LRRK1: variants seen among roughly 807,000 people sequenced by gnomAD.
The protein encoded by LRRK1 is leucine rich repeat kinase 1, also known as leucine-rich repeat serine/threonine-protein kinase 1.
A neutral mutation model predicts 209.1 loss-of-function variants in LRRK1; 113 were observed. That is an observed-to-expected ratio of 0.54 (90% CI 0.46 to 0.63). LRRK1 has a LOEUF of 0.63. LRRK1 is among the 30% of genes least tolerant of loss of function. The probability of loss-of-function intolerance (pLI) is 0.00; values close to 1 mark genes in which losing one functional copy is unlikely to be tolerated. For missense variants in LRRK1, 2,284 were observed against 2,632.2 expected (o/e 0.87, Z 2.89); for synonymous variants, 1,144 against 1,099.7 (o/e 1.04, Z -0.80).
Position 101,026,056 on chromosome 15 carries a change from G to C in LRRK1, c.2324G>C (p.Arg775Pro), listed in dbSNP as rs368099995. The change falls in exon 17 of 34, where the codon CGT becomes CCT. Residue 775 changes from arginine to proline, a missense_variant. By Grantham distance (103) the Arg-to-Pro change is moderately radical. Transcript: ENST00000388948. ...CGTGTGGAAAGGATTGCAACGCTGCGTGCCTATGTGCTGGCACTCTGCCGC... is the reference window on the plus strand; with the variant it reads ...CGTGTGGAAAGGATTGCAACGCTGCCTGCCTATGTGCTGGCACTCTGCCGC... ...KFRVERIATLRAYVLALCRSP... is the reference protein window; with the variant it reads ...KFRVERIATLPAYVLALCRSP... The C allele has an allele frequency of 1.2e-6, 2 of 1,614,122 alleles. No homozygotes were observed. The highest frequency in any genetic ancestry group is 8.5e-7 in the Non-Finnish European group (1 of 1,180,048).
chr15:101,048,143 A>C (rs896795845), intron 21 of LRRK1, among the ~76,000 whole-genome samples: 3 of 151,324 alleles, frequency 2.0e-5, no homozygotes, highest in Non-Finnish European at 4.4e-5. Flanking sequence ...AATCTGAATG[A>C]TCTCTCTGCT....
At position 101,043,336 on chromosome 15, in the gene LRRK1, C is replaced by T. The variant is rs535679301; in HGVS notation, c.2964-2645C>T. ...GGGGCCTCAAGTCTTTCTTGCTGCT[C>T]CAGCTCTCTGGGTTCCTTACAAAAT... On this transcript the variant is annotated intron_variant, in intron 20 of 33. Coordinates refer to ENST00000388948, the MANE Select transcript of LRRK1 (RefSeq NM_024652.6). Among the ~76,000 whole-genome samples the T allele has an allele frequency of 2.6e-5, 4 of 152,306 alleles. No homozygotes were observed. The East Asian group carries it at 7.7e-4, about 29-fold the overall frequency.
At chr15:101,025,879 C>T (rs1353599386) in intron 16 of LRRK1, 86 bp from the exon 17 acceptor site, 16 of 1,451,432 alleles carry the variant, frequency 1.1e-5, no homozygotes, top group Non-Finnish European at 1.4e-5. Context: ...CATCCAGGGT[C>T]AGCGCACCTG....
chr15:100,932,548 C>T (rs142638206), intron 2 of LRRK1, among the ~76,000 whole-genome samples: 14 of 152,166 alleles, frequency 9.2e-5, no homozygotes, highest in Middle Eastern at 6.8e-3. Flanking sequence ...AGCAGAATGG[C>T]GGGATCACAG....
chr15:101,014,214 G>GT, intron 10 of LRRK1, 102 bp from the exon 11 acceptor site: 2 of 803,868 alleles, frequency 2.5e-6, no homozygotes, highest in African/African-American at 1.7e-5. Context: ...GGTTGGAATC[G>GT]TTTGACTGCG....
At chr15:101,000,909 C>G (rs1314228040) in intron 6 of LRRK1, among the ~76,000 whole-genome samples, 1 of 152,234 alleles carries the variant, frequency 6.6e-6, no homozygotes, top group Non-Finnish European at 1.5e-5. Flanking sequence ...GCCTTCACTT[C>G]ATTGCCCTTG....
At chr15:100,934,467 C>T (rs1357482017) in intron 2 of LRRK1, among the ~76,000 whole-genome samples, 4 of 152,130 alleles carry the variant, frequency 2.6e-5, no homozygotes, top group African/African-American at 9.6e-5. Context: ...CCTTACAGGG[C>T]TTCCAGTTGT....
At chr15:100,968,110 A>C (rs2141645015) in intron 2 of LRRK1, among the ~76,000 whole-genome samples, 1 of 152,324 alleles carries the variant, frequency 6.6e-6, no homozygotes, top group African/African-American at 2.4e-5. Context: ...AGAACAGCAT[A>C]TAAATGGAAT....
At chr15:100,977,610 C>T (rs1236252718) in intron 3 of LRRK1, among the ~76,000 whole-genome samples, 1 of 152,094 alleles carries the variant, frequency 6.6e-6, no homozygotes, top group Non-Finnish European at 1.5e-5. Context: ...ACCTGAAGTC[C>T]CAACGCTGCC....
rs571380165 is a variant in LRRK1 at position 100,976,474 on chromosome 15, T to G, written c.261+2507T>G. 6.6e-5 allele frequency among the ~76,000 whole-genome samples: 10 copies of G among 152,306 alleles called. No individual in the cohort carries two copies. In the East Asian group the frequency reaches 1.9e-3, roughly 29 times the overall value. On this transcript the variant is annotated intron_variant, in intron 3 of 33. Transcript: ENST00000388948. ...TATAGAAAGGCAAATAAAACAAAAATGAAGCAGCCTTTTTAAGCTAATCAG... is the reference window on the plus strand; with the variant it reads ...TATAGAAAGGCAAATAAAACAAAAAGGAAGCAGCCTTTTTAAGCTAATCAG...
intron 2 of LRRK1, among the ~76,000 whole-genome samples, chr15:100,957,118 A>G (rs1223991039): frequency 6.6e-6 from 1 of 152,020 alleles, no homozygotes; most frequent in African/African-American, 2.4e-5. Context: ...TCTTCTTGTT[A>G]TTGACTTCTA....
Position 100,962,824 on chromosome 15 carries a change from T to TA in LRRK1, c.98-10980_98-10979insA, listed in dbSNP as rs1555461505. On this transcript the variant is annotated intron_variant, in intron 2 of 33. Transcript: ENST00000388948. The stretch of plus-strand genomic sequence containing the variant: ...ATATATATATATATATATATATATA[T>TA]TTTTTTTTTTTTTTTTGAGATGGAG... Among the ~76,000 whole-genome samples the TA allele has an allele frequency of 1.7e-3, 14 of 8,434 alleles. No individual in the cohort carries two copies. In the East Asian group the frequency reaches 0.02, roughly 12 times the overall value. The allele number at this position is 8,434 out of a possible 152,430, so 5.5% of individuals were successfully genotyped here.
Position 101,054,960 on chromosome 15 carries a change from C to T in LRRK1, c.4069C>T (p.Pro1357Ser). Reference protein sequence around the residue: ...SENARDSSFIPLGHMLTQKIA... With the variant: ...SENARDSSFISLGHMLTQKIA... ...TTCTTTGCAAGATTCTTCCTTTATA[C>T]CCCTGGGACACATGCTCACCCAAAA... Residue 1357 changes from proline (P) to serine (S), a missense_variant, in exon 27 of 34, where the codon CCC (proline) becomes TCC (serine). Pro to Ser is a moderately conservative substitution (Grantham distance 74). Transcript: ENST00000388948. 1 of 1,608,794 alleles carries T rather than the reference C, an allele frequency of 6.2e-7. No homozygotes were observed. The highest frequency in any genetic ancestry group is 8.5e-7 in the Non-Finnish European group (1 of 1,178,024).
At chr15:100,974,228 A>C (rs763268745) in intron 3 of LRRK1, 7 of 360,286 alleles carry the variant, frequency 1.9e-5, no homozygotes, top group Admixed American at 1.4e-4. Flanking sequence ...AATGTAAAGA[A>C]CAAAATGCCA....
chr15:100,954,549 C>G (rs1464697201), intron 2 of LRRK1, among the ~76,000 whole-genome samples: 1 of 152,146 alleles, frequency 6.6e-6, no homozygotes, highest in East Asian at 1.9e-4. Context: ...CTTTCAGTGT[C>G]ATATAGGAAA....
chr15:101,060,984 T>G (rs1275858778), intron 29 of LRRK1, among the ~76,000 whole-genome samples, 187 bp from the exon 30 acceptor site: 1 of 152,230 alleles, frequency 6.6e-6, no homozygotes, highest in East Asian at 1.9e-4. Flanking sequence ...GCGAATGCCC[T>G]TCCTGCGGGC....
chr15:101,057,822 G>T (rs1194824016), intron 28 of LRRK1, among the ~76,000 whole-genome samples, 168 bp from the exon 29 acceptor site: 1 of 152,200 alleles, frequency 6.6e-6, no homozygotes, highest in Non-Finnish European at 1.5e-5. Context: ...TACCTGGATG[G>T]GTTTGCTCCT....
Position 101,024,911 on chromosome 15 carries a change from C to G in LRRK1, c.2176C>G (p.Leu726Val), listed in dbSNP as rs1297141389. ...GGCCCTGTACGTGGTGGTCTGGAAC[C>G]TGGCGCTGGGGGAGGAGGCCGTGGC... ...DKALYVVVWNLALGEEAVANL... is the reference protein window; with the variant it reads ...DKALYVVVWNVALGEEAVANL... Residue 726 changes from leucine to valine, a missense_variant, in exon 16 of 34, where the codon CTG (leucine) becomes GTG (valine). Physicochemically the swap from Leu to Val is conservative, Grantham distance 32 (BLOSUM62 1). Transcript: ENST00000388948. This position sits in a 1 kb window ranked among gnomAD's most constrained non-coding sequence, Gnocchi z 4.6. 1 of 1,614,196 alleles carries G rather than the reference C, an allele frequency of 6.2e-7. No homozygotes were observed. The highest frequency in any genetic ancestry group is 8.5e-7 in the Non-Finnish European group (1 of 1,180,032).
In LRRK1 at chr15:101,027,904, C is replaced by A; in HGVS notation, c.2686+107C>A. 9.8e-7 allele frequency: 1 copy of A among 1,017,644 alleles called. No individual in the cohort carries two copies. 63.0% of individuals were successfully genotyped at this position (1,017,644 alleles called of 1,614,324 possible). A position where few individuals can be genotyped will look rare whatever the true frequency, so the allele number is the denominator to read the frequency against. On this transcript the variant is annotated intron_variant, in intron 19 of 33. Transcript: ENST00000388948. This position sits in a 1 kb window ranked among gnomAD's most constrained non-coding sequence, Gnocchi z 5.1. The stretch of plus-strand genomic sequence containing the variant: ...AATGAATGAGAGACCGACACCCAGC[C>A]TGCGTTTCTGCCTTCCATCCCCCTC...
Sources: allele counts gnomAD v4.1 joint callset (sites outside exome capture counted in the v4.1 genomes callset), GRCh38; gene constraint gnomAD v4.1.1; non-coding constraint Gnocchi (gnomAD v3.1); transcripts MANE v1.5; gene names NCBI Gene and HGNC (gene_info 2026-07-23, HGNC 2026-07-21).